KCNH5: variants seen among roughly 807,000 people sequenced by gnomAD.
KCNH5 encodes the protein voltage-gated delayed rectifier potassium channel KCNH5.
KCNH5 carries 46 observed loss-of-function variants against 96.1 expected under a neutral mutation model. The observed-to-expected ratio is 0.48, with a 90% CI of 0.38 to 0.61. The LOEUF is 0.61. Among genes scored for constraint, KCNH5 ranks in the 20% least tolerant of loss-of-function variants. The probability of loss-of-function intolerance (pLI) is 0.00; values close to 1 mark genes in which losing one functional copy is unlikely to be tolerated. For synonymous variants in KCNH5, 439 were observed against 449.8 expected (o/e 0.98, Z 0.30); for missense variants, 907 against 1,225.8 (o/e 0.74, Z 3.88).
intron 10 of KCNH5, among the ~76,000 whole-genome samples, chr14:62,710,499 C>T (rs2139901956): frequency 6.6e-6 from 1 of 152,354 alleles, no homozygotes; most frequent in East Asian, 1.9e-4. Flanking sequence ...CAGACCCAGA[C>T]ACAGGAACGC....
chr14:62,758,862 GAAGACA>G (rs1238784523), intron 10 of KCNH5, among the ~76,000 whole-genome samples: 1 of 152,170 alleles, frequency 6.6e-6, no homozygotes, highest in Non-Finnish European at 1.5e-5. Context: ...GTGTAGGGTG[GAAGACA>G]CTGCTTGAGG....
chr14:62,925,289 C>T (rs894372458), intron 7 of KCNH5, among the ~76,000 whole-genome samples: 1 of 151,946 alleles, frequency 6.6e-6, no homozygotes, highest in African/African-American at 2.4e-5. Flanking sequence ...TTAAAGCACA[C>T]ATTCATTTTA....
chr14:63,027,263 G>A (rs1891541252), intron 1 of KCNH5, among the ~76,000 whole-genome samples: 1 of 151,886 alleles, frequency 6.6e-6, no homozygotes, highest in South Asian at 2.1e-4. Context: ...AAGTTTGAGT[G>A]ATCTACTATA....
intron 10 of KCNH5, among the ~76,000 whole-genome samples, chr14:62,711,281 A>T (rs1181180696): frequency 6.6e-6 from 1 of 151,778 alleles, no homozygotes; most frequent in Non-Finnish European, 1.5e-5. Flanking sequence ...CTATTTAGCT[A>T]GAAACAAAGA....
intron 5 of KCNH5, among the ~76,000 whole-genome samples, chr14:62,986,566 C>T (rs1890712286): frequency 6.6e-6 from 1 of 152,126 alleles, no homozygotes; most frequent in South Asian, 2.1e-4. Context: ...TTCACTCAGC[C>T]CAGGTATCAT....
chr14:62,857,765 C>A (rs895576800), intron 7 of KCNH5, among the ~76,000 whole-genome samples: 3 of 152,132 alleles, frequency 2.0e-5, no homozygotes, highest in Non-Finnish European at 4.4e-5. Flanking sequence ...AGTCCACTGA[C>A]TCAAATGTTA....
chr14:63,033,709 T>C (rs1322250553), intron 1 of KCNH5, among the ~76,000 whole-genome samples: 1 of 151,832 alleles, frequency 6.6e-6, no homozygotes, highest in Non-Finnish European at 1.5e-5. Context: ...TTTAAAGTCA[T>C]ACAGTCAGTC....
intron 7 of KCNH5, among the ~76,000 whole-genome samples, chr14:62,926,957 T>G (rs1384757455): frequency 6.6e-6 from 1 of 152,046 alleles, no homozygotes; most frequent in Non-Finnish European, 1.5e-5. Flanking sequence ...GAATGACAGA[T>G]TATAACGAGC....
intron 2 of KCNH5, among the ~76,000 whole-genome samples, chr14:63,014,237 G>T (rs1389269229): frequency 6.6e-6 from 1 of 152,094 alleles, no homozygotes; most frequent in Non-Finnish European, 1.5e-5. Context: ...CACCTCAAAT[G>T]TCATAACACA....
intron 7 of KCNH5, among the ~76,000 whole-genome samples, chr14:62,917,354 GT>G (rs200737675): frequency 0.2 from 26,876 of 134,526 alleles, 2,715 homozygotes; most frequent in East Asian, 0.37. Flanking sequence ...GGTTTGTTAG[GT>G]TTTTTTTTTT....
chr14:63,021,347 A>T (rs567140583), intron 1 of KCNH5, among the ~76,000 whole-genome samples: 2 of 152,232 alleles, frequency 1.3e-5, no homozygotes, highest in South Asian at 2.1e-4. Flanking sequence ...TTCCCTACCT[A>T]TACAAACATG....
chr14:62,710,729 G>A (rs887836786), intron 10 of KCNH5, among the ~76,000 whole-genome samples: 5 of 152,244 alleles, frequency 3.3e-5, no homozygotes, highest in Non-Finnish European at 5.9e-5. Flanking sequence ...AAATGGAACC[G>A]TTTCAAAGTC....
chr14:62,962,457 T>C (rs1020322588), intron 6 of KCNH5, among the ~76,000 whole-genome samples: 1 of 152,174 alleles, frequency 6.6e-6, no homozygotes, highest in African/African-American at 2.4e-5. Context: ...ATTGAAGTCA[T>C]GAATGATTTT....
intron 9 of KCNH5, among the ~76,000 whole-genome samples, chr14:62,794,044 A>T (rs1886489155): frequency 6.6e-6 from 1 of 151,952 alleles, no homozygotes; most frequent in Non-Finnish European, 1.5e-5. Context: ...CTAAGAACTC[A>T]TGACATTCAC....
intron 4 of KCNH5, among the ~76,000 whole-genome samples, chr14:62,994,803 A>G (rs781063759): frequency 7.9e-5 from 12 of 152,094 alleles, no homozygotes; most frequent in African/African-American, 1.7e-4. Flanking sequence ...CTTCAACAGT[A>G]AAATGGAGAC....
chr14:62,988,328 T>C (rs1890747573), intron 4 of KCNH5, among the ~76,000 whole-genome samples: 1 of 151,968 alleles, frequency 6.6e-6, no homozygotes, highest in Admixed American at 6.6e-5. Context: ...ACTGAAAAAC[T>C]CCTGATGTTC....
intron 7 of KCNH5, among the ~76,000 whole-genome samples, chr14:62,876,438 C>G (rs1375505188): frequency 6.6e-6 from 1 of 151,928 alleles, no homozygotes; most frequent in Non-Finnish European, 1.5e-5. Context: ...TATGATTGCA[C>G]AAATAGAAAA....
chr14:62,968,231 C>T (rs1890339331), intron 6 of KCNH5, among the ~76,000 whole-genome samples: 1 of 152,136 alleles, frequency 6.6e-6, no homozygotes, highest in Non-Finnish European at 1.5e-5. Context: ...TGACTCTTAC[C>T]CTTTCTCCAA....
At chr14:62,970,438 A>G (rs1890385328) in intron 6 of KCNH5, among the ~76,000 whole-genome samples, 1 of 152,184 alleles carries the variant, frequency 6.6e-6, no homozygotes, top group South Asian at 2.1e-4. Context: ...ATTTCCTCCA[A>G]TGTTTTCCAG....
Sources: gnomAD v4.1 joint callset for allele counts (sites outside exome capture counted in the v4.1 genomes callset) on GRCh38, gnomAD v4.1.1 for gene constraint, MANE v1.5 for transcripts, NCBI Gene and HGNC (gene_info 2026-07-23, HGNC 2026-07-21) for gene names.